Variants in HGF observed in about 807,000 individuals in gnomAD.
The protein encoded by HGF is fibroblast-derived tumor cytotoxic factor.
Under a neutral mutation model 111.6 loss-of-function variants are expected in HGF, and 39 were observed. The ratio of observed to expected loss-of-function variants is 0.35; its 90% CI spans 0.27 to 0.46. HGF has a LOEUF of 0.46. Among genes scored for constraint, HGF ranks in the 20% least tolerant of loss-of-function variants. The pLI, the probability that HGF is intolerant of heterozygous loss-of-function variation, is 1.00. For missense variants in HGF, 735 were observed against 910.5 expected, an observed-to-expected ratio of 0.81 and a Z score of 2.48; for synonymous variants, 285 against 294.8, an observed-to-expected ratio of 0.97 and a Z score of 0.34.
chr7:81,702,180 A>C lies in HGF; in HGVS notation c.*401T>G, dbSNP rs1451427168. 1 of 238,170 alleles carries C rather than the reference A, an allele frequency of 4.2e-6. No individual in the cohort carries two copies. Among genetic ancestry groups the C allele is most frequent in the African/African-American group, 2.2e-5 (1 of 44,994 alleles). 14.8% of individuals were successfully genotyped at this position (238,170 alleles called of 1,614,324 possible). A position where few individuals can be genotyped will look rare whatever the true frequency, so the allele number is the denominator to read the frequency against. On this transcript the variant is annotated 3_prime_UTR_variant, in exon 18 of 18. Coordinates refer to ENST00000222390, the MANE Select transcript of HGF (RefSeq NM_000601.6). ...CTACAATTTAGGGACACAAGGTATA[A>C]ATTGTTTTGGTGAGGTTAAAATAAC...
At chr7:81,750,500 C>A (rs1788447232) in intron 5 of HGF, among the ~76,000 whole-genome samples, 1 of 152,146 alleles carries the variant, frequency 6.6e-6, no homozygotes, top group African/African-American at 2.4e-5. Flanking sequence ...AGATACTAGA[C>A]AGTTACATTC....
intron 9 of HGF, 61 bp from the exon 10 acceptor site, chr7:81,720,908 T>C (rs1336367264): frequency 2.3e-6 from 2 of 884,408 alleles, no homozygotes; most frequent in African/African-American, 1.7e-5. Context: ...AACAAAAAGG[T>C]TTTTTACAAG....
At chr7:81,747,334 G>A (rs181769797) in intron 5 of HGF, among the ~76,000 whole-genome samples, 207 of 152,032 alleles carry the variant, frequency 1.4e-3, no homozygotes, top group Middle Eastern at 6.8e-3. Flanking sequence ...GCGAGACTCC[G>A]TCTCAAAAAA....
intron 11 of HGF, among the ~76,000 whole-genome samples, 192 bp from the exon 12 acceptor site, chr7:81,711,711 T>C (rs1789574824): frequency 6.6e-6 from 1 of 152,138 alleles, no homozygotes; most frequent in Non-Finnish European, 1.5e-5. Flanking sequence ...TGGTGCTATC[T>C]CAGCTCACTG....
chr7:81,706,030 T>C (rs1418865949), intron 15 of HGF, among the ~76,000 whole-genome samples: 3 of 151,956 alleles, frequency 2.0e-5, no homozygotes, highest in Non-Finnish European at 4.4e-5. Flanking sequence ...AAATAACTGC[T>C]GAGTTTCCAT....
chr7:81,748,325 G>T (rs1356843666), intron 5 of HGF, among the ~76,000 whole-genome samples: 1 of 152,136 alleles, frequency 6.6e-6, no homozygotes, highest in African/African-American at 2.4e-5. Context: ...TGGAGGAATT[G>T]CAGGGAAAGT....
Position 81,742,668 on chromosome 7 carries a change from A to C in HGF, c.865+685T>G, listed in dbSNP as rs899663972. 3 of 1,264,268 alleles carry C rather than the reference A, an allele frequency of 2.4e-6. No individual in the cohort carries two copies. The African/African-American group carries it at 4.5e-5, about 19-fold the overall frequency. 78.3% of individuals were successfully genotyped at this position (1,264,268 alleles called of 1,614,324 possible). ...CCATAGAGGAGAGGACCAAGTTCAC[A>C]GATTGAAAGGAACAATATAAAACAC... On this transcript the variant is annotated intron_variant, in intron 7 of 17. Transcript: ENST00000222390.
At chr7:81,724,816 C>T (rs911794236) in intron 9 of HGF, among the ~76,000 whole-genome samples, 1 of 152,150 alleles carries the variant, frequency 6.6e-6, no homozygotes. Flanking sequence ...ACATTCCCAA[C>T]AGGGGGATAT....
At chr7:81,726,110 A>G (rs1790001520) in intron 8 of HGF, 93 bp from the exon 9 acceptor site, 1 of 1,248,044 alleles carries the variant, frequency 8.0e-7, no homozygotes. Context: ...GAATGTATGC[A>G]TGTTTATAAA....
At chr7:81,766,270 G>T (rs1379867240) in intron 1 of HGF, among the ~76,000 whole-genome samples, 1 of 152,158 alleles carries the variant, frequency 6.6e-6, no homozygotes, top group Non-Finnish European at 1.5e-5. Context: ...GAAAGGATTT[G>T]CAGGGTGTGG....
intron 9 of HGF, among the ~76,000 whole-genome samples, chr7:81,725,110 T>C (rs1479064071): frequency 6.6e-6 from 1 of 152,212 alleles, no homozygotes; most frequent in African/African-American, 2.4e-5. Context: ...TTTTCCGAAA[T>C]GCAGCCAGAG....
chr7:81,728,569 T>C (rs764256209), intron 8 of HGF, among the ~76,000 whole-genome samples: 3 of 152,210 alleles, frequency 2.0e-5, no homozygotes, highest in Non-Finnish European at 2.9e-5. Flanking sequence ...AGTGAATTGC[T>C]GTGATGGAAA....
At position 81,756,902 on chromosome 7, in the gene HGF, A is replaced by AGAAAGG. The variant is rs770607669; in HGVS notation, c.482+286_482+287insCCTTTC. The AGAAAGG allele has an allele frequency of 5.3e-3, 2,387 of 452,500 alleles. 35 individuals carry two copies. Among genetic ancestry groups the AGAAAGG allele is most frequent in the African/African-American group, 0.024 (742 of 31,122 alleles). The allele number at this position is 452,500 out of a possible 1,614,324, so 28.0% of individuals were successfully genotyped here. A position where few individuals can be genotyped will look rare whatever the true frequency, so the allele number is the denominator to read the frequency against. On this transcript the variant is annotated intron_variant, in intron 4 of 17. Transcript: ENST00000222390. ...CACAGTGCCGTACTTTCTCAAAGAC[A>AGAAAGG]GGAAGAAGAATCCTTTTAAACGAAG...
At chr7:81,762,627 A>G in intron 2 of HGF, 80 bp downstream of exon 2, 1 of 1,069,698 alleles carries the variant, frequency 9.3e-7, no homozygotes, top group Non-Finnish European at 1.5e-6. Context: ...CACATTGACT[A>G]CAACACAAAA....
At position 81,702,771 on chromosome 7, in the gene HGF, A is replaced by G. The variant is rs749527567; in HGVS notation, c.2011-14T>C. On this transcript the variant is annotated splice_polypyrimidine_tract_variant and intron_variant, in intron 17 of 17. Coordinates refer to ENST00000222390, the MANE Select transcript of HGF (RefSeq NM_000601.6). ...ACCATAATCCCCCTAGGAGTAAGAC[A>G]TACAAAAACAAAGTATTATTAGGAA... is the stretch of plus-strand genomic sequence containing the variant. The G allele has an allele frequency of 6.2e-7, 1 of 1,605,964 alleles. No homozygotes were observed. The highest frequency in any genetic ancestry group is 1.7e-5 in the Admixed American group (1 of 59,726).
intron 4 of HGF, among the ~76,000 whole-genome samples, chr7:81,753,793 G>A (rs1438522289): frequency 1.3e-5 from 2 of 151,862 alleles, no homozygotes; most frequent in Non-Finnish European, 2.9e-5. Flanking sequence ...TTCCTCATAT[G>A]GGGAAATAGA....
intron 7 of HGF, among the ~76,000 whole-genome samples, chr7:81,734,798 A>T (rs1037421793): frequency 6.6e-6 from 1 of 152,096 alleles, no homozygotes; most frequent in Admixed American, 6.6e-5. Flanking sequence ...ATGATAAGTA[A>T]ATGCTTACAT....
At chr7:81,735,611 G>A (rs1362006369) in intron 7 of HGF, among the ~76,000 whole-genome samples, 2 of 151,968 alleles carry the variant, frequency 1.3e-5, no homozygotes, top group African/African-American at 4.8e-5. Flanking sequence ...AGACGACTAT[G>A]TTCTTTTAAA....
intron 11 of HGF, among the ~76,000 whole-genome samples, chr7:81,714,551 T>A (rs1206780339): frequency 6.6e-6 from 1 of 152,132 alleles, no homozygotes; most frequent in Admixed American, 6.6e-5. Flanking sequence ...GGATTGAAGT[T>A]CTTAACCACT....
Sources: allele counts gnomAD v4.1 joint callset (sites outside exome capture counted in the v4.1 genomes callset), GRCh38; gene constraint gnomAD v4.1.1; transcripts MANE v1.5; gene names NCBI Gene and HGNC (gene_info 2026-07-23, HGNC 2026-07-21).